The following STK32B variants were observed in gnomAD, a reference collection of about 807,000 sequenced individuals.
STK32B encodes the protein serine/threonine-protein kinase 32B.
A neutral mutation model predicts 52.6 loss-of-function variants in STK32B; 43 were observed. That is an observed-to-expected ratio of 0.82 (90% CI 0.64 to 1.05). The LOEUF (loss-of-function observed/expected upper bound fraction) is 1.05. STK32B is among the 50% of genes least tolerant of loss of function. The probability of loss-of-function intolerance (pLI) is 0.00; values close to 1 mark genes in which losing one functional copy is unlikely to be tolerated. For synonymous variants in STK32B, 238 were observed against 204.3 expected (o/e 1.17, Z -1.41); for missense variants, 621 against 534.6 (o/e 1.16, Z -1.59).
At chr4:5,038,244 G>A in the STK32B span, among the ~76,000 whole-genome samples, 9 of 152,046 alleles carry the variant, frequency 5.9e-5, no homozygotes, top group Non-Finnish European at 8.8e-5. Context: ...TACCTATATC[G>A]TTCTGGAGGC....
chr4:5,192,133 G>A (rs117235085), intron 3 of STK32B, among the ~76,000 whole-genome samples: 1 of 152,234 alleles, frequency 6.6e-6, no homozygotes, highest in African/African-American at 2.4e-5. Context: ...ACTTTGAGAT[G>A]CCAGCACCGA....
intron 3 of STK32B, among the ~76,000 whole-genome samples, chr4:5,203,027 C>T (rs1577187739): frequency 6.6e-6 from 1 of 152,346 alleles, no homozygotes; most frequent in Non-Finnish European, 1.5e-5. Flanking sequence ...GATGGGAAAC[C>T]TGAAATGAAA....
chr4:5,383,052 C>T (rs1046580022), intron 4 of STK32B, among the ~76,000 whole-genome samples: 4 of 152,178 alleles, frequency 2.6e-5, no homozygotes, highest in African/African-American at 9.7e-5. Flanking sequence ...GTCTCCACGT[C>T]GACTCTGCTT....
intron 4 of STK32B, among the ~76,000 whole-genome samples, chr4:5,382,404 G>A (rs745873015): frequency 4.6e-5 from 7 of 152,102 alleles, no homozygotes; most frequent in Non-Finnish European, 7.3e-5. Context: ...TGCTGTGAAC[G>A]GTGCCGGATA....
At chr4:5,271,869 T>G (rs200454033) in intron 3 of STK32B, among the ~76,000 whole-genome samples, 20 of 140,272 alleles carry the variant, frequency 1.4e-4, no homozygotes, top group Middle Eastern at 3.3e-3. Flanking sequence ...CCTGAGACTT[T>G]GCTGAAGTTG....
chr4:5,326,248 T>A (rs971085978), intron 3 of STK32B, among the ~76,000 whole-genome samples: 25 of 152,218 alleles, frequency 1.6e-4, no homozygotes, highest in Middle Eastern at 3.2e-3. Context: ...AAATTGTGCA[T>A]CTGTAGTCGG....
intron 2 of STK32B, among the ~76,000 whole-genome samples, chr4:5,147,877 A>G (rs1221283330): frequency 6.6e-6 from 1 of 151,928 alleles, no homozygotes; most frequent in African/African-American, 2.4e-5. Flanking sequence ...CTTTTTTGTA[A>G]TATCTTCATC....
At chr4:5,311,461 TAGG>T (rs1560305533) in intron 3 of STK32B, among the ~76,000 whole-genome samples, 2 of 151,716 alleles carry the variant, frequency 1.3e-5, no homozygotes, top group African/African-American at 4.8e-5. Context: ...AAATTGAAAA[TAGG>T]AGAACAGTAG....
chr4:5,174,356 G>A (rs1445334561), intron 3 of STK32B, among the ~76,000 whole-genome samples: 1 of 152,096 alleles, frequency 6.6e-6, no homozygotes, highest in African/African-American at 2.4e-5. Flanking sequence ...GATGTTAGCT[G>A]GTTATTTTGC....
chr4:5,357,022 T>TACAC (rs550771167), intron 4 of STK32B, among the ~76,000 whole-genome samples: 36 of 145,486 alleles, frequency 2.5e-4, no homozygotes, highest in African/African-American at 3.5e-4. Flanking sequence ...TATATATATA[T>TACAC]ACACACACAC....
At chr4:5,137,224 T>C (rs1342437824) in intron 1 of STK32B, among the ~76,000 whole-genome samples, 1 of 152,162 alleles carries the variant, frequency 6.6e-6, no homozygotes, top group Non-Finnish European at 1.5e-5. Flanking sequence ...TGCTGAAGCC[T>C]AGAATTAGCT....
chr4:5,201,310 T>C (rs2108775685), intron 3 of STK32B, among the ~76,000 whole-genome samples: 1 of 152,316 alleles, frequency 6.6e-6, no homozygotes, highest in East Asian at 1.9e-4. Context: ...GTGAGCATCC[T>C]GCAGCCCCAT....
At chr4:5,190,767 G>A (rs113042148) in intron 3 of STK32B, among the ~76,000 whole-genome samples, 3 of 152,104 alleles carry the variant, frequency 2.0e-5, no homozygotes, top group Admixed American at 6.6e-5. Flanking sequence ...ACATCGGGGC[G>A]GCTGTCTGAA....
intron 3 of STK32B, among the ~76,000 whole-genome samples, chr4:5,168,941 G>A (rs1212867909): frequency 2.0e-5 from 3 of 152,112 alleles, no homozygotes; most frequent in Non-Finnish European, 4.4e-5. Flanking sequence ...ACTCCAACCC[G>A]TCCTTGGCTA....
Position 5,460,313 on chromosome 4 carries a change from G to A in STK32B, c.909+85G>A. ...AAAGCAAGACTTTGGCAGCTGGCTA[G>A]TGAGCCCTCTGCTGGCCACTTCCAC... On this transcript the variant is annotated intron_variant, in intron 9 of 11. Coordinates refer to ENST00000282908, the MANE Select transcript of STK32B (RefSeq NM_018401.3). This position sits in a 1 kb window ranked among gnomAD's most constrained non-coding sequence, Gnocchi z 4.8. 2.6e-6 allele frequency: 4 copies of A among 1,531,464 alleles called. No homozygotes were observed. In the South Asian group the frequency reaches 5.2e-5, roughly 20 times the overall value. The allele number at this position is 1,531,464 out of a possible 1,614,324, so 94.9% of individuals were successfully genotyped here.
intron 1 of STK32B, among the ~76,000 whole-genome samples, chr4:5,127,358 T>C (rs1715467033): frequency 6.6e-6 from 1 of 152,164 alleles, no homozygotes; most frequent in South Asian, 2.1e-4. Context: ...AGCTCTTGAG[T>C]GCAGAGGGCA....
chr4:5,381,433 C>T (rs1560368411), intron 4 of STK32B, among the ~76,000 whole-genome samples: 1 of 152,216 alleles, frequency 6.6e-6, no homozygotes. Context: ...ACCAAGACAG[C>T]AGCTGCCCTC....
chr4:5,146,946 CA>C (rs1198690128), intron 2 of STK32B, among the ~76,000 whole-genome samples: 1 of 151,974 alleles, frequency 6.6e-6, no homozygotes, highest in African/African-American at 2.4e-5. Flanking sequence ...ATCAATTCTA[CA>C]AAAAACTGTG....
Position 5,217,327 on chromosome 4 carries a change from CAGG to C in STK32B, c.260+48881_260+48883del, listed in dbSNP as rs1373172636. 2.6e-5 allele frequency among the ~76,000 whole-genome samples: 4 copies of C among 152,108 alleles called. 1 individual carries two copies. Among genetic ancestry groups the C allele is most frequent in the African/African-American group, 9.7e-5 (4 of 41,398 alleles). ...TGAAATATTTTCAGTTCTTCCTTGCCAGGAGGTCATTCTGCATTTTATGAGAAA... is the reference window on the plus strand; with the variant it reads ...TGAAATATTTTCAGTTCTTCCTTGCCAGGTCATTCTGCATTTTATGAGAAA... On this transcript the variant is annotated intron_variant, in intron 3 of 11. Transcript: ENST00000282908.
Sources: allele counts gnomAD v4.1 joint callset (sites outside exome capture counted in the v4.1 genomes callset), GRCh38; gene constraint gnomAD v4.1.1; non-coding constraint Gnocchi (gnomAD v3.1); transcripts MANE v1.5; gene names NCBI Gene and HGNC (gene_info 2026-07-23, HGNC 2026-07-21).